Variants in CD8B observed in about 807,000 individuals in gnomAD.
The protein encoded by CD8B is CD8 subunit beta, also known as T-cell surface glycoprotein CD8 beta chain.
Under a neutral mutation model 24.2 loss-of-function variants are expected in CD8B, and 6 were observed. The ratio of observed to expected loss-of-function variants is 0.25; its 90% CI spans 0.14 to 0.49. CD8B has a LOEUF of 0.49. CD8B is among the 20% of genes least tolerant of loss of function. CD8B has a pLI of 0.98. For missense variants in CD8B, 196 were observed against 271.3 expected (o/e 0.72, Z 1.95); for synonymous variants, 84 against 108.3 (o/e 0.78, Z 1.39).
chr2:86,832,942 C>T lies in CD8B; in HGVS notation c.620+11980G>A, dbSNP rs1258901829. On this transcript the variant is annotated intron_variant, in intron 5 of 5. Transcript: ENST00000331469. Reference sequence around the variant, plus strand: ...CTCCTCTCCTCTCCTCTCCTCTCCTCCCCTCTCCTCCCCTCCCCTCTCCTC... The same window carrying T: ...CTCCTCTCCTCTCCTCTCCTCTCCTTCCCTCTCCTCCCCTCCCCTCTCCTC... The T allele has an allele frequency of 9.1e-4, 124 of 135,896 alleles. 1 individual carries two copies. Among genetic ancestry groups the T allele is most frequent in the Non-Finnish European group, 1.5e-3 (89 of 60,060 alleles). 8.4% of individuals were successfully genotyped at this position (135,896 alleles called of 1,614,324 possible). A position where few individuals can be genotyped will look rare whatever the true frequency, so the allele number is the denominator to read the frequency against.
rs1239681302 is a variant in CD8B at position 86,846,717 on chromosome 2, G to T, written c.550C>A (p.Leu184Met). Reference sequence around the variant, plus strand: ...TGGATGGCCACTCCCAGGGAAACCAGCAGAACCAGGACGCCAGCCACCAGC... The same window carrying T: ...TGGATGGCCACTCCCAGGGAAACCATCAGAACCAGGACGCCAGCCACCAGC... ...GLLVAGVLVL[L>M]VSLGVAIHLC... The change falls in exon 4 of 6, where the codon CTG becomes ATG. Residue 184 changes from leucine to methionine, a missense_variant. Leu to Met is a conservative substitution (Grantham distance 15). Coordinates refer to ENST00000390655, the MANE Select transcript of CD8B (RefSeq NM_004931.5). 1.3e-6 allele frequency: 2 copies of T among 1,584,148 alleles called. No individual in the cohort carries two copies. The highest frequency in any genetic ancestry group is 1.7e-6 in the Non-Finnish European group (2 of 1,164,652).
At chr2:86,831,111 C>T (rs1346460309) in intron 5 of CD8B, among the ~76,000 whole-genome samples, 4 of 152,090 alleles carry the variant, frequency 2.6e-5, no homozygotes, top group Non-Finnish European at 5.9e-5. Flanking sequence ...GCTGTGTTGT[C>T]CAGGCTGGAG....
intron 5 of CD8B, among the ~76,000 whole-genome samples, chr2:86,826,591 G>T (rs1674696785): frequency 6.6e-6 from 1 of 152,084 alleles, no homozygotes; most frequent in South Asian, 2.1e-4. Context: ...TCTTAATCCT[G>T]CCTGTATAGA....
intron 5 of CD8B, among the ~76,000 whole-genome samples, chr2:86,844,205 C>A (rs916920204): frequency 2.0e-5 from 3 of 151,530 alleles, no homozygotes; most frequent in African/African-American, 7.3e-5. Flanking sequence ...AAGGTCCCAG[C>A]CCAGCCCAGG....
At chr2:86,860,198 A>T (rs1676498884) in intron 1 of CD8B, among the ~76,000 whole-genome samples, 1 of 152,290 alleles carries the variant, frequency 6.6e-6, no homozygotes, top group African/African-American at 2.4e-5. Flanking sequence ...TGAACCCGGG[A>T]GGCGGAGATT....
chr2:86,849,162 T>A (rs1217727207), intron 3 of CD8B, among the ~76,000 whole-genome samples: 1 of 152,298 alleles, frequency 6.6e-6, no homozygotes, highest in Non-Finnish European at 1.5e-5. Context: ...CAAGCCCCTG[T>A]GGGTCCCACC....
At chr2:86,844,781 T>G (rs1366026761) in intron 5 of CD8B, 141 bp downstream of exon 5, 113 of 1,541,086 alleles carry the variant, frequency 7.3e-5, no homozygotes, top group Non-Finnish European at 9.3e-5. Flanking sequence ...TAGCTGTGAC[T>G]ACAGGTGTGC....
chr2:86,857,932 T>C (rs1368846017), intron 2 of CD8B, 125 bp downstream of exon 2: 2 of 974,154 alleles, frequency 2.1e-6, no homozygotes, highest in East Asian at 4.8e-5. Flanking sequence ...TTTCTGTTAC[T>C]ATTAGCAGCA....
intron 5 of CD8B, among the ~76,000 whole-genome samples, chr2:86,830,153 T>A (rs1286833631): frequency 6.6e-6 from 1 of 152,146 alleles, no homozygotes; most frequent in East Asian, 1.9e-4. Context: ...AGCCTCAGCC[T>A]CCTGGGCTCA....
chr2:86,857,719 C>CA (rs1196303423), intron 2 of CD8B, among the ~76,000 whole-genome samples: 2 of 151,264 alleles, frequency 1.3e-5, no homozygotes, highest in Admixed American at 1.3e-4. Flanking sequence ...GGCTCTGTCT[C>CA]AAAAAAAATA....
chr2:86,819,676 T>C (rs1452797719), intron 5 of CD8B, among the ~76,000 whole-genome samples: 1 of 152,218 alleles, frequency 6.6e-6, no homozygotes, highest in East Asian at 1.9e-4. Flanking sequence ...GATGGAGATG[T>C]ACAAGGAGAT....
chr2:86,815,511 G>T (rs905101320), downstream of CD8B: 1 of 790,164 alleles, frequency 1.3e-6, no homozygotes, highest in Non-Finnish European at 2.2e-6. Context: ...TGGTGGCAGA[G>T]AAGTCTCTGC....
At chr2:86,858,479 G>A in intron 1 of CD8B, 63 bp from the exon 2 acceptor site, 2 of 1,506,366 alleles carry the variant, frequency 1.3e-6, no homozygotes, top group Non-Finnish European at 1.8e-6. Flanking sequence ...GGACCTTGCA[G>A]TCACACTGAG....
chr2:86,850,621 T>C (rs1368252960), intron 3 of CD8B, among the ~76,000 whole-genome samples: 1 of 152,054 alleles, frequency 6.6e-6, no homozygotes, highest in Non-Finnish European at 1.5e-5. Flanking sequence ...GACTTGCCAC[T>C]AGGCTACACT....
chr2:86,821,286 G>T (rs7565863), intron 5 of CD8B, among the ~76,000 whole-genome samples: 3 of 152,060 alleles, frequency 2.0e-5, no homozygotes, highest in African/African-American at 7.2e-5. Context: ...GGGGTGAATC[G>T]AAGCTTTCGG....
chr2:86,846,991 G>T (rs967418509), intron 3 of CD8B, among the ~76,000 whole-genome samples: 1 of 136,818 alleles, frequency 7.3e-6, no homozygotes, highest in African/African-American at 2.8e-5. Context: ...AGGCCGGAGT[G>T]CAGTGGTGCA....
chr2:86,826,602 T>C (rs181925299), intron 5 of CD8B, among the ~76,000 whole-genome samples: 6 of 152,260 alleles, frequency 3.9e-5, no homozygotes, highest in South Asian at 2.1e-4. Flanking sequence ...CCTGTATAGA[T>C]ACCTTACTGT....
chr2:86,857,211 T>C (rs1676310143), intron 2 of CD8B, among the ~76,000 whole-genome samples: 1 of 152,092 alleles, frequency 6.6e-6, no homozygotes, highest in African/African-American at 2.4e-5. Context: ...AGGTATGAAT[T>C]CGAGCTGTAG....
At chr2:86,846,159 C>T (rs62146883) in intron 4 of CD8B, among the ~76,000 whole-genome samples, 5,184 of 96,616 alleles carry the variant, frequency 0.054, no homozygotes, top group South Asian at 0.065. Flanking sequence ...GAGACAGTCC[C>T]GTCTCTGGGG....
Sources: gnomAD v4.1 joint callset for allele counts (sites outside exome capture counted in the v4.1 genomes callset) on GRCh38, gnomAD v4.1.1 for gene constraint, MANE v1.5 for transcripts, NCBI Gene and HGNC (gene_info 2026-07-23, HGNC 2026-07-21) for gene names.